Variants in SLCO3A1 observed in about 807,000 individuals in gnomAD.
SLCO3A1 encodes solute carrier organic anion transporter family member 3A1, also known as PGE1 transporter.
In SLCO3A1, 27 loss-of-function variants were observed where a neutral mutation model predicts 63.1. The observed-to-expected ratio is 0.43, with a 90% CI of 0.32 to 0.59. The LOEUF is 0.59. Ranked by LOEUF, SLCO3A1 falls within the 20% of genes least tolerant of loss-of-function variation. SLCO3A1 has a pLI of 0.09. For synonymous variants in SLCO3A1, 473 were observed against 409.9 expected, an observed-to-expected ratio of 1.15 and a Z score of -1.86; for missense variants, 773 against 945.8, an observed-to-expected ratio of 0.82 and a Z score of 2.40.
In SLCO3A1 at chr15:91,998,509, T is replaced by C. The variant is rs567957356; in HGVS notation, c.646+82051T>C. Reference sequence around the variant, plus strand: ...TGAACAGACACTTCTCAAAAGAATATGTACAAGCAACCAACAAATATATGA... The same window carrying C: ...TGAACAGACACTTCTCAAAAGAATACGTACAAGCAACCAACAAATATATGA... On this transcript the variant is annotated intron_variant, in intron 2 of 9. Coordinates refer to ENST00000318445, the MANE Select transcript of SLCO3A1 (RefSeq NM_013272.4). Among the ~76,000 whole-genome samples, 42 of 151,628 alleles carry C rather than the reference T, an allele frequency of 2.8e-4. No homozygotes were observed. In the South Asian group the frequency reaches 6.0e-3, roughly 22 times the overall value.
intron 1 of SLCO3A1, among the ~76,000 whole-genome samples, chr15:91,907,200 C>G (rs1898334498): frequency 6.6e-6 from 1 of 151,920 alleles, no homozygotes; most frequent in Non-Finnish European, 1.5e-5. Context: ...ACCAAGGAGG[C>G]CTTTCTTTTT....
intron 1 of SLCO3A1, among the ~76,000 whole-genome samples, chr15:91,855,632 TA>T (rs1288335646): frequency 6.6e-6 from 1 of 152,102 alleles, no homozygotes; most frequent in Non-Finnish European, 1.5e-5. Flanking sequence ...ATTTGAGGGA[TA>T]GGGGATAATT....
intron 2 of SLCO3A1, among the ~76,000 whole-genome samples, chr15:92,021,909 G>A (rs1488935906): frequency 6.6e-6 from 1 of 152,144 alleles, no homozygotes; most frequent in Non-Finnish European, 1.5e-5. Context: ...TAATACAGTG[G>A]CAGCCCTGGT....
chr15:92,132,840 A>G (rs994252271), intron 7 of SLCO3A1, among the ~76,000 whole-genome samples: 1 of 145,414 alleles, frequency 6.9e-6, no homozygotes, highest in African/African-American at 2.5e-5. Flanking sequence ...CTCATGGTTC[A>G]GTGTGACGGG....
chr15:91,991,619 AT>A, intron 2 of SLCO3A1, among the ~76,000 whole-genome samples: 1 of 152,368 alleles, frequency 6.6e-6, no homozygotes, highest in South Asian at 2.1e-4. Context: ...TAATTTTAAT[AT>A]TTTTAATTTA....
chr15:92,153,292 C>G (rs1390701438), intron 9 of SLCO3A1, among the ~76,000 whole-genome samples: 2 of 151,898 alleles, frequency 1.3e-5, no homozygotes, highest in African/African-American at 2.4e-5. Context: ...AGGTATGACA[C>G]ATTCTGACAT....
intron 2 of SLCO3A1, among the ~76,000 whole-genome samples, chr15:91,976,259 A>G (rs982367264): frequency 2.6e-5 from 4 of 152,224 alleles, no homozygotes; most frequent in Non-Finnish European, 4.4e-5. Context: ...CCAAAAAAAG[A>G]CTGTAAAATA....
intron 2 of SLCO3A1, among the ~76,000 whole-genome samples, chr15:91,962,716 C>G (rs1321928136): frequency 6.6e-6 from 1 of 151,954 alleles, no homozygotes; most frequent in Non-Finnish European, 1.5e-5. Context: ...GTCCAGTGCA[C>G]CCCATCCCCA....
At position 92,073,161 on chromosome 15, in the gene SLCO3A1, C is replaced by T. The variant is rs1008055979; in HGVS notation, c.647-21720C>T. ...TCAAAGGCCTACGCTGGGAAATGGG[C>T]CTGGAGTTTCCACAAGACCACTTGG... is the stretch of plus-strand genomic sequence containing the variant. On this transcript the variant is annotated intron_variant, in intron 2 of 9. Coordinates refer to ENST00000318445, the MANE Select transcript of SLCO3A1 (RefSeq NM_013272.4). Among the ~76,000 whole-genome samples the T allele has an allele frequency of 3.3e-5, 5 of 152,068 alleles. No individual in the cohort carries two copies. The East Asian group carries it at 9.6e-4, about 29-fold the overall frequency.
intron 2 of SLCO3A1, among the ~76,000 whole-genome samples, chr15:92,031,925 C>T (rs11074034): frequency 0.42 from 63,218 of 151,924 alleles, 13,859 homozygotes; most frequent in South Asian, 0.59. Context: ...CCGTGCCACT[C>T]ACTAGTTCTG....
intron 2 of SLCO3A1, among the ~76,000 whole-genome samples, chr15:92,002,287 A>G (rs1258573497): frequency 6.6e-6 from 1 of 152,194 alleles, no homozygotes; most frequent in East Asian, 1.9e-4. Flanking sequence ...CAAGGCAGGC[A>G]ACGTCTAGAC....
chr15:92,115,237 C>T (rs2047779612), intron 4 of SLCO3A1, among the ~76,000 whole-genome samples: 1 of 152,138 alleles, frequency 6.6e-6, no homozygotes, highest in Admixed American at 6.5e-5. Flanking sequence ...CTGACCTGGC[C>T]TGCTGCCTGG....
intron 1 of SLCO3A1, among the ~76,000 whole-genome samples, chr15:91,878,379 C>A (rs545302840): frequency 1.3e-5 from 2 of 152,124 alleles, no homozygotes; most frequent in Admixed American, 6.5e-5. Context: ...TGCGCCAGGG[C>A]GATTTAGGCC....
At chr15:92,043,609 C>T (rs1037022900) in intron 2 of SLCO3A1, among the ~76,000 whole-genome samples, 1 of 152,220 alleles carries the variant, frequency 6.6e-6, no homozygotes, top group African/African-American at 2.4e-5. Context: ...AGGCTCCATG[C>T]ATAGACAAGT....
intron 2 of SLCO3A1, among the ~76,000 whole-genome samples, chr15:92,069,519 C>G (rs1445021340): frequency 1.3e-5 from 2 of 152,176 alleles, no homozygotes; most frequent in Admixed American, 1.3e-4. Flanking sequence ...ATTCACTACG[C>G]AAGGGAGGTG....
At position 91,864,362 on chromosome 15, in the gene SLCO3A1, C is replaced by A. The variant is rs184227884; in HGVS notation, c.180+10274C>A. ...CTGGCAGGTATAAGCAGGTGAGCAG[C>A]CAGGAAGGAAAGACAACTGATAGTT... On this transcript the variant is annotated intron_variant, in intron 1 of 9. Transcript: ENST00000318445. 5.9e-3 allele frequency among the ~76,000 whole-genome samples: 899 copies of A among 152,096 alleles called. 6 individuals are homozygous for A. Among genetic ancestry groups the A allele is most frequent in the Non-Finnish European group, 7.9e-3 (534 of 68,006 alleles).
rs1487110041 is a variant in SLCO3A1, at chr15:91,915,980, T to C, written c.181-13T>C. 2 of 1,604,336 alleles carry C rather than the reference T, an allele frequency of 1.2e-6. No individual in the cohort carries two copies. The highest frequency in any genetic ancestry group is 3.4e-5 in the Admixed American group (2 of 58,310). ...CTTGGATTGGCTCTGACCTTTCTTC[T>C]TGCCCCCCTCAGGTGAGCGTCCTGA... On this transcript the variant is annotated splice_polypyrimidine_tract_variant and intron_variant, in intron 1 of 9. Coordinates refer to ENST00000318445, the MANE Select transcript of SLCO3A1 (RefSeq NM_013272.4).
rs1266074444 is a variant in SLCO3A1 at position 91,949,610 on chromosome 15, A to G, written c.646+33152A>G. ...GTGCCACTGCACTTCAGCCTGGGCG[A>G]CAGAGTGAGACTCTGTCCCCCCAAA... On this transcript the variant is annotated intron_variant, in intron 2 of 9. Coordinates refer to ENST00000318445, the MANE Select transcript of SLCO3A1 (RefSeq NM_013272.4). Among the ~76,000 whole-genome samples, 3 of 152,244 alleles carry G rather than the reference A, an allele frequency of 2.0e-5. No individual in the cohort carries two copies. In the East Asian group the frequency reaches 5.8e-4, roughly 30 times the overall value.
In SLCO3A1 at chr15:91,954,899, A is replaced by G. The variant is rs1321274853; in HGVS notation, c.646+38441A>G. Reference sequence around the variant, plus strand: ...AGGGCTGGACAGCACCACCCCTCCTAATTCCTAGGAATTAGGCCCTTCTTG... The same window carrying G: ...AGGGCTGGACAGCACCACCCCTCCTGATTCCTAGGAATTAGGCCCTTCTTG... On this transcript the variant is annotated intron_variant, in intron 2 of 9. Coordinates refer to ENST00000318445, the MANE Select transcript of SLCO3A1 (RefSeq NM_013272.4). The surrounding 1 kb of genome is among the most constrained non-coding windows in gnomAD (Gnocchi z 4.7). 1.3e-5 allele frequency among the ~76,000 whole-genome samples: 2 copies of G among 151,852 alleles called. No homozygotes were observed. Among genetic ancestry groups the G allele is most frequent in the African/African-American group, 4.8e-5 (2 of 41,296 alleles).
Sources: gnomAD v4.1 joint callset for allele counts (sites outside exome capture counted in the v4.1 genomes callset) on GRCh38, gnomAD v4.1.1 for gene constraint, Gnocchi (gnomAD v3.1) non-coding constraint, MANE v1.5 for transcripts, NCBI Gene and HGNC (gene_info 2026-07-23, HGNC 2026-07-21) for gene names.